Variants in TNKS observed in about 807,000 individuals in gnomAD.
The protein encoded by TNKS is poly [ADP-ribose] polymerase tankyrase-1.
A neutral mutation model predicts 135.8 loss-of-function variants in TNKS; 72 were observed. The ratio of observed to expected loss-of-function variants is 0.53; its 90% confidence interval spans 0.44 to 0.64. TNKS has a LOEUF of 0.64. TNKS is among the 30% of genes least tolerant of loss of function. TNKS has a pLI of 0.00. For synonymous variants in TNKS, 849 were observed against 649.3 expected (o/e 1.31, Z -4.68); for missense variants, 1,769 against 1,674.0 (o/e 1.06, Z -0.99).
Position 9,659,115 on chromosome 8 carries a change from G to C in TNKS, c.995-20836G>C, listed in dbSNP as rs147037273. On this transcript the variant is annotated intron_variant, in intron 3 of 26. Transcript: ENST00000310430. ...CCTTAGTGAAGTACAAAGAGACATA[G>C]ACTCCCACACAATAATAATGGGAGA... 5.9e-5 allele frequency among the ~76,000 whole-genome samples: 9 copies of C among 152,264 alleles called. No homozygotes were observed. The East Asian group carries it at 1.7e-3, about 29-fold the overall frequency.
intron 5 of TNKS, among the ~76,000 whole-genome samples, chr8:9,700,660 A>G (rs1265653406): frequency 2.0e-5 from 3 of 151,488 alleles, no homozygotes; most frequent in Non-Finnish European, 2.9e-5. Flanking sequence ...CAACCTGGAA[A>G]CTACTCTATC....
chr8:9,629,997 A>G (rs1017922270), intron 3 of TNKS, among the ~76,000 whole-genome samples: 1 of 152,088 alleles, frequency 6.6e-6, no homozygotes, highest in African/African-American at 2.4e-5. Context: ...CTTTCTCTTA[A>G]TATTTAGGTC....
chr8:9,639,989 T>C (rs2078773441), intron 3 of TNKS, among the ~76,000 whole-genome samples: 1 of 152,174 alleles, frequency 6.6e-6, no homozygotes, highest in Admixed American at 6.5e-5. Flanking sequence ...AAAAGCATCG[T>C]GGGCTGCTAT....
chr8:9,617,283 A>G (rs1380140403), intron 3 of TNKS, among the ~76,000 whole-genome samples: 1 of 152,252 alleles, frequency 6.6e-6, no homozygotes, highest in Non-Finnish European at 1.5e-5. Context: ...CAGATATCAC[A>G]TCTACTAAAA....
chr8:9,775,526 T>G (rs1808185746), intron 26 of TNKS, among the ~76,000 whole-genome samples: 1 of 141,794 alleles, frequency 7.1e-6, no homozygotes, highest in South Asian at 2.2e-4. Context: ...TTAACATTTA[T>G]GTTTTTTTGT....
intron 1 of TNKS, among the ~76,000 whole-genome samples, chr8:9,576,075 C>T (rs1398690707): frequency 1.3e-5 from 2 of 152,156 alleles, no homozygotes; most frequent in Non-Finnish European, 1.5e-5. Flanking sequence ...TCTAGATTTT[C>T]CCATCTGTCC....
rs1585469886 is a variant in TNKS at position 9,781,192 on chromosome 8, C to G, written c.*4456C>G. Reference sequence around the variant, plus strand: ...TTTCGGCTTTTCCTCCTTTCACATTCTTTTTTGCTTTACACTTCACGTCTT... The same window carrying G: ...TTTCGGCTTTTCCTCCTTTCACATTGTTTTTTGCTTTACACTTCACGTCTT... On this transcript the variant is annotated 3_prime_UTR_variant, in exon 27 of 27. Transcript: ENST00000310430. The G allele has an allele frequency of 1.3e-5, 2 of 152,208 alleles. No homozygotes were observed. The highest frequency in any genetic ancestry group is 4.8e-5 in the African/African-American group (2 of 41,474). The allele number at this position is 152,208 out of a possible 1,614,324, so 9.4% of individuals were successfully genotyped here.
At chr8:9,639,795 A>G (rs1361955078) in intron 3 of TNKS, among the ~76,000 whole-genome samples, 7 of 152,062 alleles carry the variant, frequency 4.6e-5, no homozygotes, top group Non-Finnish European at 1.0e-4. Context: ...TGGGGAAGCA[A>G]AAGGGCTTCT....
At chr8:9,774,597 T>C (rs564104280) in intron 26 of TNKS, among the ~76,000 whole-genome samples, 1 of 152,362 alleles carries the variant, frequency 6.6e-6, no homozygotes, top group South Asian at 2.1e-4. Flanking sequence ...TGCAGTTCAG[T>C]AATTCCCTTA....
chr8:9,712,116 C>G (rs1804365297), intron 11 of TNKS, among the ~76,000 whole-genome samples: 1 of 152,198 alleles, frequency 6.6e-6, no homozygotes, highest in African/African-American at 2.4e-5. Context: ...GCATTTATTT[C>G]ATTGGCTCCA....
At chr8:9,657,655 A>AC (rs1801462162) in intron 3 of TNKS, among the ~76,000 whole-genome samples, 3 of 64,444 alleles carry the variant, frequency 4.7e-5, no homozygotes, top group African/African-American at 1.3e-4. Flanking sequence ...GGGGGGGCTG[A>AC]CCCCCCCATC....
At chr8:9,618,600 A>G (rs1219159097) in intron 3 of TNKS, among the ~76,000 whole-genome samples, 1 of 152,188 alleles carries the variant, frequency 6.6e-6, no homozygotes, top group Non-Finnish European at 1.5e-5. Context: ...AAATAGGGGT[A>G]TGAAAAGTCA....
intron 25 of TNKS, among the ~76,000 whole-genome samples, chr8:9,766,660 A>G (rs759382490): frequency 1.3e-5 from 2 of 151,710 alleles, no homozygotes; most frequent in African/African-American, 2.4e-5. Flanking sequence ...AAATTTTTGT[A>G]TTTTTAGTAG....
chr8:9,738,752 G>A (rs1247605481), intron 17 of TNKS, among the ~76,000 whole-genome samples: 2 of 79,000 alleles, frequency 2.5e-5, no homozygotes, highest in Non-Finnish European at 5.1e-5. Context: ...TGATTGCACT[G>A]TGGTCTGAGA....
In TNKS at chr8:9,777,084, A is replaced by C; in HGVS notation, c.*348A>C. 2 of 247,986 alleles carry C rather than the reference A, an allele frequency of 8.1e-6. No individual in the cohort carries two copies. The highest frequency in any genetic ancestry group is 1.6e-5 in the Non-Finnish European group (2 of 126,486). The allele number at this position is 247,986 out of a possible 1,614,324, so 15.4% of individuals were successfully genotyped here. A position where few individuals can be genotyped will look rare whatever the true frequency, so the allele number is the denominator to read the frequency against. ...CAAATGTTCACAATTCACACACTAC[A>C]TTTGTTTTGTTATGCATGACGTGTC... On this transcript the variant is annotated 3_prime_UTR_variant, in exon 27 of 27. Coordinates refer to ENST00000310430, the MANE Select transcript of TNKS (RefSeq NM_003747.3).
chr8:9,658,411 C>G (rs993263912), intron 3 of TNKS: 1 of 1,293,780 alleles, frequency 7.7e-7, no homozygotes, highest in Non-Finnish European at 1.0e-6. Flanking sequence ...TGAACTCCAT[C>G]CTCCCGGCGG....
At chr8:9,765,248 A>T (rs1257485873) in intron 23 of TNKS, among the ~76,000 whole-genome samples, 3 of 152,206 alleles carry the variant, frequency 2.0e-5, no homozygotes, top group Non-Finnish European at 4.4e-5. Flanking sequence ...ACAAAGGGGT[A>T]TCATAAAGAT....
chr8:9,696,324 G>A (rs374450704), intron 5 of TNKS, among the ~76,000 whole-genome samples: 7 of 152,214 alleles, frequency 4.6e-5, no homozygotes, highest in African/African-American at 1.7e-4. Context: ...AGATGCCAAG[G>A]AAGAAAACAT....
chr8:9,679,149 G>A (rs1036849008), intron 3 of TNKS, among the ~76,000 whole-genome samples: 15 of 152,084 alleles, frequency 9.9e-5, no homozygotes, highest in Non-Finnish European at 2.1e-4. Flanking sequence ...TAGAATGGGG[G>A]AAAATTACCC....
Sources: allele counts gnomAD v4.1 joint callset (sites outside exome capture counted in the v4.1 genomes callset), GRCh38; gene constraint gnomAD v4.1.1; transcripts MANE v1.5; gene names NCBI Gene and HGNC (gene_info 2026-07-23, HGNC 2026-07-21).